Variants in CWC27 observed in about 807,000 individuals in gnomAD.
CWC27 encodes the protein CWC27 spliceosome associated cyclophilin.
CWC27 carries 47 observed loss-of-function variants against 63.6 expected under a neutral mutation model. The observed-to-expected ratio is 0.74, with a 90% confidence interval of 0.58 to 0.94. CWC27 has a LOEUF of 0.94. CWC27 is among the 40% of genes least tolerant of loss of function. CWC27 has a pLI of 0.00. For synonymous variants in CWC27, 175 were observed against 179.8 expected, an observed-to-expected ratio of 0.97 and a Z score of 0.22; for missense variants, 495 against 554.3, an observed-to-expected ratio of 0.89 and a Z score of 1.07.
At chr5:65,016,728 T>C (rs1184204700) in intron 13 of CWC27, among the ~76,000 whole-genome samples, 1 of 152,164 alleles carries the variant, frequency 6.6e-6, no homozygotes, top group Non-Finnish European at 1.5e-5. Context: ...AAAATCTTTT[T>C]AGGATTCTTC....
intron 11 of CWC27, among the ~76,000 whole-genome samples, chr5:64,970,376 C>A (rs571062342): frequency 1.2e-3 from 189 of 152,124 alleles, no homozygotes; most frequent in African/African-American, 4.3e-3. Context: ...CCACGCCCGG[C>A]TAATTTTTTG....
At chr5:64,848,053 A>G (rs1746036215) in intron 10 of CWC27, among the ~76,000 whole-genome samples, 2 of 152,124 alleles carry the variant, frequency 1.3e-5, no homozygotes, top group South Asian at 2.1e-4. Context: ...GACTAGAAAA[A>G]TAATACAAAA....
chr5:64,770,296 A>C (rs1743203032), intron 1 of CWC27, among the ~76,000 whole-genome samples: 1 of 152,074 alleles, frequency 6.6e-6, no homozygotes, highest in Non-Finnish European at 1.5e-5. Context: ...TGTCCATCCC[A>C]CCCCTCACCT....
At chr5:64,785,612 T>TA (rs1452397309) in intron 5 of CWC27, 33 bp downstream of exon 5, 1 of 1,316,306 alleles carries the variant, frequency 7.6e-7, no homozygotes, top group Non-Finnish European at 1.1e-6. Context: ...ATACAGCACT[T>TA]ACATTGTCGT....
At chr5:64,972,764 T>TC in intron 12 of CWC27, 2 of 425,570 alleles carry the variant, frequency 4.7e-6, no homozygotes, top group Admixed American at 2.8e-5. Context: ...TCCTTCCCCC[T>TC]CCCCCCATTC....
At chr5:64,964,151 T>A (rs1580752585) in intron 11 of CWC27, among the ~76,000 whole-genome samples, 2 of 152,236 alleles carry the variant, frequency 1.3e-5, no homozygotes, top group East Asian at 3.8e-4. Flanking sequence ...TGATTTACTT[T>A]TTTAAGTTCT....
intron 13 of CWC27, among the ~76,000 whole-genome samples, chr5:64,992,394 C>T (rs955194410): frequency 6.6e-6 from 1 of 152,172 alleles, no homozygotes; most frequent in South Asian, 2.1e-4. Context: ...GATTCTAACC[C>T]GAAGTACTAA....
chr5:64,987,907 C>T (rs1048750456), intron 13 of CWC27, among the ~76,000 whole-genome samples: 5 of 151,942 alleles, frequency 3.3e-5, no homozygotes, highest in African/African-American at 7.3e-5. Flanking sequence ...GGTATAGATT[C>T]CTTTGGGTTT....
intron 10 of CWC27, among the ~76,000 whole-genome samples, chr5:64,835,136 A>G (rs1745626333): frequency 6.6e-6 from 1 of 151,846 alleles, no homozygotes; most frequent in South Asian, 2.1e-4. Context: ...ATAAAAAGCT[A>G]TCATTTCAGG....
chr5:64,866,983 G>A (rs62369337), intron 10 of CWC27, among the ~76,000 whole-genome samples: 61,075 of 151,800 alleles, frequency 0.4, 13,607 homozygotes, highest in African/African-American at 0.59. Context: ...CATTTTCTAC[G>A]TGAATATGTA....
chr5:64,933,914 C>T (rs1016482359), intron 11 of CWC27, among the ~76,000 whole-genome samples: 1 of 152,186 alleles, frequency 6.6e-6, no homozygotes, highest in African/African-American at 2.4e-5. Context: ...TTGATTGACA[C>T]TGTTAAGTAA....
At chr5:64,934,913 A>C (rs1023281359) in intron 11 of CWC27, among the ~76,000 whole-genome samples, 1 of 152,008 alleles carries the variant, frequency 6.6e-6, no homozygotes, top group Admixed American at 6.5e-5. Flanking sequence ...TTTGAGAAGT[A>C]TCTGTTCATA....
chr5:64,944,525 A>G (rs1462287786), intron 11 of CWC27, among the ~76,000 whole-genome samples: 9 of 152,230 alleles, frequency 5.9e-5, no homozygotes, highest in Non-Finnish European at 7.3e-5. Context: ...AATAATTTCC[A>G]AAGTGTTTAA....
At chr5:64,821,480 G>T (rs1034100107) in intron 10 of CWC27, among the ~76,000 whole-genome samples, 8 of 152,164 alleles carry the variant, frequency 5.3e-5, no homozygotes, top group African/African-American at 1.9e-4. Context: ...CATTTTCTAT[G>T]TATTGTTACT....
At chr5:65,014,760 G>A (rs1750021936) in intron 13 of CWC27, among the ~76,000 whole-genome samples, 2 of 152,152 alleles carry the variant, frequency 1.3e-5, no homozygotes, top group Admixed American at 1.3e-4. Flanking sequence ...AGTAGGTCAG[G>A]AATTTATTAT....
chr5:64,957,987 A>C (rs1191827860), intron 11 of CWC27, among the ~76,000 whole-genome samples: 2 of 152,146 alleles, frequency 1.3e-5, no homozygotes, highest in Admixed American at 6.5e-5. Context: ...ACTATAATTT[A>C]TTACCAACAT....
intron 7 of CWC27, among the ~76,000 whole-genome samples, chr5:64,792,605 TGCTTTATTACAGAAGAA>T (rs1744123313): frequency 6.6e-6 from 1 of 152,188 alleles, no homozygotes; most frequent in African/African-American, 2.4e-5. Context: ...ACATCTTTTT[TGCTTTATTACAGAAGAA>T]GCATATGACT....
At chr5:64,949,794 T>G (rs1177472901) in intron 11 of CWC27, among the ~76,000 whole-genome samples, 1 of 152,004 alleles carries the variant, frequency 6.6e-6, no homozygotes, top group Non-Finnish European at 1.5e-5. Flanking sequence ...ACCTCAATAT[T>G]CAAGTAGTTG....
chr5:64,963,100 G>A (rs1006273810), intron 11 of CWC27, among the ~76,000 whole-genome samples: 13 of 151,856 alleles, frequency 8.6e-5, no homozygotes, highest in African/African-American at 1.7e-4. Flanking sequence ...GATTACAGGC[G>A]CCCGCCACCA....
Sources: gnomAD v4.1 joint callset for allele counts (sites outside exome capture counted in the v4.1 genomes callset) on GRCh38, gnomAD v4.1.1 for gene constraint, MANE v1.5 for transcripts, NCBI Gene and HGNC (gene_info 2026-07-23, HGNC 2026-07-21) for gene names.